Variants in ZNF329 observed in about 807,000 individuals in gnomAD.
The protein encoded by ZNF329 is zinc finger protein 329.
Under a neutral mutation model 26.6 loss-of-function variants are expected in ZNF329, and 15 were observed. That is an observed-to-expected ratio of 0.56 (90% CI 0.38 to 0.87). The LOEUF (loss-of-function observed/expected upper bound fraction) is 0.87, where lower values mean the gene tolerates loss of function less well. Among genes scored for constraint, ZNF329 ranks in the 40% least tolerant of loss-of-function variants. ZNF329 has a pLI of 0.00. For synonymous variants in ZNF329, 239 were observed against 233.5 expected (o/e 1.02, Z -0.21); for missense variants, 651 against 651.9 (o/e 1.00, Z 0.02).
intron 1 of ZNF329, among the ~76,000 whole-genome samples, chr19:58,143,879 G>A (rs557163501): frequency 8.1e-4 from 123 of 152,062 alleles, no homozygotes; most frequent in Non-Finnish European, 1.7e-3. Flanking sequence ...TCAGGAGTTC[G>A]AGACCAGCCT....
chr19:58,140,624 C>A (rs2075164275), intron 3 of ZNF329, among the ~76,000 whole-genome samples: 2 of 151,948 alleles, frequency 1.3e-5, no homozygotes, highest in South Asian at 4.1e-4. Flanking sequence ...ACCATGTTGG[C>A]CAGGATGGTC....
chr19:58,153,403 C>A (rs12985328), upstream of ZNF329, among the ~76,000 whole-genome samples: 7 of 152,258 alleles, frequency 4.6e-5, no homozygotes, highest in South Asian at 8.3e-4. Flanking sequence ...AGCCACTGCG[C>A]CTGGCCACAA....
rs748591160 is a variant in ZNF329, at chr19:58,129,237, A to G, written c.267T>C (p.Asn89=). The G allele has an allele frequency of 5.6e-6, 9 of 1,614,206 alleles. No homozygotes were observed. Among genetic ancestry groups the G allele is most frequent in the African/African-American group, 1.3e-5 (1 of 75,042 alleles). ...CATTTGAGTCAGGTGCATGGAAACC[A>G]TTTGTTGCCAGAACTCTCTGAGACG... is the stretch of plus-strand genomic sequence containing the variant. ...LPPSQRVLAT[N]GFHAPDSNVS... Residue 89 remains asparagine, a synonymous_variant, in exon 4 of 4, where the codon AAT becomes AAC. Transcript: ENST00000598312.
At chr19:58,138,939 G>C (rs903743921) in intron 3 of ZNF329, among the ~76,000 whole-genome samples, 1 of 151,670 alleles carries the variant, frequency 6.6e-6, no homozygotes, top group Non-Finnish European at 1.5e-5. Context: ...GGAGGAGACA[G>C]AGCAAGACTG....
In ZNF329 at chr19:58,128,538, T is replaced by C. The variant is rs1333966772; in HGVS notation, c.966A>G (p.Lys322=). 1.9e-6 allele frequency: 3 copies of C among 1,614,024 alleles called. No individual in the cohort carries two copies. The highest frequency in any genetic ancestry group is 3.3e-5 in the Admixed American group (2 of 60,006). Residue 322 remains lysine (K), a synonymous_variant, in exon 4 of 4, where the codon AAA becomes AAG. Transcript: ENST00000598312. ...EKPYRCNECG[K]PFTDISHLTV... Reference sequence around the variant, plus strand: ...TAAGGTGGGAGATGTCAGTGAAGGGTTTCCCACATTCGTTACATCTATATG... The same window carrying C: ...TAAGGTGGGAGATGTCAGTGAAGGGCTTCCCACATTCGTTACATCTATATG...
intron 1 of ZNF329, among the ~76,000 whole-genome samples, chr19:58,149,681 T>C (rs2075405621): frequency 1.3e-5 from 2 of 152,160 alleles, no homozygotes; most frequent in South Asian, 2.1e-4. Context: ...ATTCAAAACG[T>C]ACTTCAACAA....
chr19:58,135,268 T>C (rs2075038297), intron 3 of ZNF329, among the ~76,000 whole-genome samples: 1 of 151,772 alleles, frequency 6.6e-6, no homozygotes, highest in Non-Finnish European at 1.5e-5. Context: ...TTTTATTTTA[T>C]CTATTTAATT....
intron 1 of ZNF329, among the ~76,000 whole-genome samples, chr19:58,143,533 AG>A (rs1254266090): frequency 1.6e-4 from 25 of 152,226 alleles, no homozygotes; most frequent in Admixed American, 5.2e-4. Context: ...GCCAAAGTCA[AG>A]GCTCCTCCTT....
intron 1 of ZNF329, among the ~76,000 whole-genome samples, chr19:58,150,197 G>C (rs570831603): frequency 1.3e-5 from 2 of 152,166 alleles, no homozygotes; most frequent in Non-Finnish European, 2.9e-5. Context: ...CCCTCACTGA[G>C]AATTGCAGTA....
Position 58,128,027 on chromosome 19 carries a change from T to G in ZNF329, c.1477A>C (p.Lys493Gln), listed in dbSNP as rs2074840924. ...YQCPECGKSF[K>Q]QNSHLAVHQR... ...TGTACTGCCAGGTGAGAGTTCTGCT[T>G]GAAGGACTTCCCACATTCTGGACAC... Residue 493 changes from lysine to glutamine, a missense_variant, in exon 4 of 4, where the codon AAG becomes CAG. By Grantham distance (53) the Lys-to-Gln change is moderately conservative. Coordinates refer to ENST00000598312, the MANE Select transcript of ZNF329 (RefSeq NM_024620.4). The G allele has an allele frequency of 6.2e-7, 1 of 1,613,914 alleles. No individual in the cohort carries two copies. Among genetic ancestry groups the G allele is most frequent in the Non-Finnish European group, 8.5e-7 (1 of 1,180,006 alleles).
At chr19:58,152,534 T>C (rs1341315241), upstream of ZNF329, among the ~76,000 whole-genome samples, 1 of 151,506 alleles carries the variant, frequency 6.6e-6, no homozygotes, top group Non-Finnish European at 1.5e-5. Context: ...AAAGATCATA[T>C]GGAGAAAAGT....
chr19:58,145,140 C>T lies in ZNF329; in HGVS notation c.-207-1942G>A, dbSNP rs546729088. Among the ~76,000 whole-genome samples, 658 of 150,568 alleles carry T rather than the reference C, an allele frequency of 4.4e-3. 2 individuals carry two copies. Among genetic ancestry groups the T allele is most frequent in the Non-Finnish European group, 7.4e-3 (499 of 67,868 alleles). On this transcript the variant is annotated intron_variant, in intron 1 of 3. Coordinates refer to ENST00000598312, the MANE Select transcript of ZNF329 (RefSeq NM_024620.4). ...CTGGAATTACAGGCGTGAGCCACCG[C>T]GCCTGGCCATTTTTTTTTTTTAAAT...
At chr19:58,145,341 A>G in intron 1 of ZNF329, among the ~76,000 whole-genome samples, 1 of 103,580 alleles carries the variant, frequency 9.7e-6, no homozygotes, top group Non-Finnish European at 1.8e-5. Flanking sequence ...TTTTTTTTGG[A>G]GACAGTGCCT....
intron 3 of ZNF329, among the ~76,000 whole-genome samples, chr19:58,135,820 A>G (rs760221276): frequency 6.6e-6 from 1 of 151,898 alleles, no homozygotes; most frequent in Non-Finnish European, 1.5e-5. Context: ...CCAGTAACAG[A>G]AAGAAAACCA....
intron 3 of ZNF329, among the ~76,000 whole-genome samples, chr19:58,141,533 G>T (rs1243116809): frequency 1.3e-5 from 2 of 152,042 alleles, no homozygotes; most frequent in African/African-American, 4.8e-5. Flanking sequence ...GACCTAAGGT[G>T]ATCAGCCTGC....
Position 58,127,967 on chromosome 19 carries a change from A to G in ZNF329, c.1537T>C (p.Cys513Arg), listed in dbSNP as rs2074838258. The change falls in exon 4 of 4, where the codon TGT becomes CGT. Residue 513 changes from cysteine to arginine, a missense_variant. Physicochemically the swap from Cys to Arg is radical, Grantham distance 180. Transcript: ENST00000598312. Reference sequence around the variant, plus strand: ...TGGAACATTTTTCCACACTGAGGACACCGGCTGGGACCCTCCCTGCTATGG... The same window carrying G: ...TGGAACATTTTTCCACACTGAGGACGCCGGCTGGGACCCTCCCTGCTATGG... ...RLHSREGPSR[C>R]PQCGKMFQKS... The G allele has an allele frequency of 6.2e-7, 1 of 1,613,876 alleles. No individual in the cohort carries two copies. Among genetic ancestry groups the G allele is most frequent in the African/African-American group, 1.3e-5 (1 of 74,894 alleles).
intron 3 of ZNF329, among the ~76,000 whole-genome samples, chr19:58,140,845 G>C (rs1044481447): frequency 6.0e-5 from 9 of 150,634 alleles, no homozygotes; most frequent in Non-Finnish European, 1.5e-5. Context: ...CTGAGTAGCT[G>C]GGACCACAGT....
chr19:58,128,066 C>T lies in ZNF329; in HGVS notation c.1438G>A (p.Glu480Lys). 1 of 1,612,070 alleles carries T rather than the reference C, an allele frequency of 6.2e-7. No homozygotes were observed. Among genetic ancestry groups the T allele is most frequent in the African/African-American group, 1.3e-5 (1 of 74,920 alleles). ...LTKHQRIHTK[E>K]TPYQCPECGK... ...CATTCTGGACACTGATATGGGGTCT[C>T]CTTAGTGTGAATTCTCTGGTGCTTG... Residue 480 changes from glutamate (E) to lysine (K), a missense_variant, in exon 4 of 4, where the codon GAG (glutamate) becomes AAG (lysine). Transcript: ENST00000598312.
At chr19:58,131,937 G>C (rs2074953890) in intron 3 of ZNF329, among the ~76,000 whole-genome samples, 1 of 150,130 alleles carries the variant, frequency 6.7e-6, no homozygotes, top group African/African-American at 2.5e-5. Context: ...GCAGGAGAAT[G>C]GCATGAACCC....
Sources: allele counts gnomAD v4.1 joint callset (sites outside exome capture counted in the v4.1 genomes callset), GRCh38; gene constraint gnomAD v4.1.1; transcripts MANE v1.5; gene names NCBI Gene and HGNC (gene_info 2026-07-23, HGNC 2026-07-21).